DLGAP1: variants seen among roughly 807,000 people sequenced by gnomAD.
DLGAP1 encodes the protein DLG associated protein 1.
In DLGAP1, 11 loss-of-function variants were observed where a neutral mutation model predicts 90.8. The observed-to-expected ratio is 0.12, with a 90% confidence interval of 0.08 to 0.20. The LOEUF is 0.20. Among genes scored for constraint, DLGAP1 ranks in the 10% least tolerant of loss-of-function variants. The pLI, the probability that DLGAP1 is intolerant of heterozygous loss-of-function variation, is 1.00. For missense variants in DLGAP1, 1,050 were observed against 1,333.8 expected, an observed-to-expected ratio of 0.79 and a Z score of 3.31; for synonymous variants, 558 against 540.7, an observed-to-expected ratio of 1.03 and a Z score of -0.44.
chr18:3,909,070 T>G (rs1470705802), intron 3 of DLGAP1, among the ~76,000 whole-genome samples: 2 of 152,188 alleles, frequency 1.3e-5, no homozygotes, highest in Non-Finnish European at 2.9e-5. Flanking sequence ...GAAATGAACT[T>G]TTCTCTACAT....
At chr18:4,259,825 C>T (rs1035233647) in intron 1 of DLGAP1, among the ~76,000 whole-genome samples, 2 of 152,116 alleles carry the variant, frequency 1.3e-5, no homozygotes, top group East Asian at 3.8e-4. Flanking sequence ...AGTTGATTAA[C>T]GAAGTAGACA....
intron 1 of DLGAP1, among the ~76,000 whole-genome samples, chr18:4,188,980 G>A (rs9956141): frequency 0.44 from 66,609 of 151,896 alleles, 15,866 homozygotes; most frequent in East Asian, 0.7. Flanking sequence ...TTATTATTTT[G>A]TATTTAATCA....
rs185054061 is a variant in DLGAP1, at chr18:3,932,219, G to A, written c.-72-52079C>T. 1.5e-3 allele frequency among the ~76,000 whole-genome samples: 224 copies of A among 152,288 alleles called. 3 individuals are homozygous for A. In the Middle Eastern group the frequency reaches 0.041, roughly 28 times the overall value. ...TTTAAAGGGCCCCTGGGCAGATGAA[G>A]GTTGTCCTGGCAGCTTGAGGTTGGT... On this transcript the variant is annotated intron_variant, in intron 3 of 12. Transcript: ENST00000315677.
At chr18:3,666,405 C>G (rs112589749) in intron 7 of DLGAP1, among the ~76,000 whole-genome samples, 3 of 152,140 alleles carry the variant, frequency 2.0e-5, no homozygotes, top group African/African-American at 7.2e-5. Context: ...TGTTCTTAGT[C>G]AAAGCCAGAC....
At chr18:3,867,193 C>T (rs1309841490) in intron 4 of DLGAP1, among the ~76,000 whole-genome samples, 2 of 152,120 alleles carry the variant, frequency 1.3e-5, no homozygotes, top group African/African-American at 2.4e-5. Context: ...GTGTGGGTAA[C>T]ATCAAGATAA....
In DLGAP1 at chr18:4,454,406, T is replaced by TTCTCTCTATCTCTCTCTC. The variant is rs112338095; in HGVS notation, c.-267+599_-267+600insGAGAGAGAGATAGAGAGA. Among the ~76,000 whole-genome samples the TTCTCTCTATCTCTCTCTC allele has an allele frequency of 2.7e-5, 4 of 150,654 alleles. No individual in the cohort carries two copies. Among genetic ancestry groups the TTCTCTCTATCTCTCTCTC allele is most frequent in the African/African-American group, 9.7e-5 (4 of 41,144 alleles). ...CAGTGACCTCCTCCTTGGACCCCAT[T>TTCTCTCTATCTCTCTCTC]TCTCTCTCTCTCTCTCTCTCTGTGC... On this transcript the variant is annotated intron_variant, in intron 1 of 12. Transcript: ENST00000315677. This position sits in a 1 kb window ranked among gnomAD's most constrained non-coding sequence, Gnocchi z 4.7.
intron 3 of DLGAP1, among the ~76,000 whole-genome samples, chr18:3,909,695 T>C (rs897042566): frequency 6.6e-6 from 1 of 152,218 alleles, no homozygotes; most frequent in Non-Finnish European, 1.5e-5. Context: ...GCAGGGATCA[T>C]ATACATGCTC....
chr18:3,583,777 A>G (rs977760087), intron 7 of DLGAP1, among the ~76,000 whole-genome samples: 8 of 152,162 alleles, frequency 5.3e-5, no homozygotes, highest in Non-Finnish European at 8.8e-5. Flanking sequence ...GTGAAACCTC[A>G]TCTGTACTAA....
rs534121625 is a variant in DLGAP1 at position 3,932,492 on chromosome 18, G to A, written c.-72-52352C>T. 5.9e-5 allele frequency among the ~76,000 whole-genome samples: 9 copies of A among 152,236 alleles called. No homozygotes were observed. In the East Asian group the frequency reaches 7.7e-4, roughly 13 times the overall value. ...TGGAACATTGCAGAAATACCCTTGC[G>A]GGGGAGCCTAGGCCCTGCCCACCAG... On this transcript the variant is annotated intron_variant, in intron 3 of 12. Transcript: ENST00000315677.
At chr18:4,451,038 A>G (rs1237607822) in intron 1 of DLGAP1, among the ~76,000 whole-genome samples, 1 of 152,220 alleles carries the variant, frequency 6.6e-6, no homozygotes, top group African/African-American at 2.4e-5. Context: ...CTTGCTGCCC[A>G]GTAATCATTA....
chr18:4,074,027 T>TA (rs2075488833), intron 2 of DLGAP1, among the ~76,000 whole-genome samples: 1 of 152,148 alleles, frequency 6.6e-6, no homozygotes, highest in Non-Finnish European at 1.5e-5. Context: ...ACCTTATTCA[T>TA]AGGGATAGAT....
intron 9 of DLGAP1, among the ~76,000 whole-genome samples, chr18:3,559,105 A>G (rs1206530585): frequency 6.6e-6 from 1 of 152,240 alleles, no homozygotes; most frequent in African/African-American, 2.4e-5. Context: ...TAGAAAACGT[A>G]GCATTCCTAC....
intron 2 of DLGAP1, among the ~76,000 whole-genome samples, chr18:4,055,971 C>T (rs1840780595): frequency 6.6e-6 from 1 of 152,152 alleles, no homozygotes; most frequent in African/African-American, 2.4e-5. Flanking sequence ...AAACGACTCT[C>T]ACAGAGGAGG....
chr18:3,674,528 G>C (rs575737174), intron 7 of DLGAP1, among the ~76,000 whole-genome samples: 5 of 152,054 alleles, frequency 3.3e-5, no homozygotes, highest in Admixed American at 3.3e-4. Flanking sequence ...GCTGAGGTGG[G>C]AGGATCACTT....
intron 1 of DLGAP1, among the ~76,000 whole-genome samples, chr18:4,210,860 C>A (rs562645834): frequency 6.6e-6 from 1 of 152,140 alleles, no homozygotes; most frequent in Non-Finnish European, 1.5e-5. Context: ...TTAACCCTTT[C>A]GTTTACATGT....
At chr18:4,105,009 G>A (rs933222000) in intron 2 of DLGAP1, among the ~76,000 whole-genome samples, 9 of 151,754 alleles carry the variant, frequency 5.9e-5, no homozygotes, top group African/African-American at 1.9e-4. Flanking sequence ...ATTGAAACAC[G>A]CACACACACA....
At chr18:3,531,019 TC>T (rs1436444449) in intron 10 of DLGAP1, among the ~76,000 whole-genome samples, 1 of 152,092 alleles carries the variant, frequency 6.6e-6, no homozygotes, top group African/African-American at 2.4e-5. Flanking sequence ...ACTGTTATTT[TC>T]CAGACTCCAT....
chr18:3,790,263 CT>C (rs905751291), intron 5 of DLGAP1, among the ~76,000 whole-genome samples: 2 of 100,776 alleles, frequency 2.0e-5, no homozygotes, highest in African/African-American at 6.1e-5. Context: ...GCTTCTTTTA[CT>C]TTTTTTTTCT....
intron 10 of DLGAP1, among the ~76,000 whole-genome samples, chr18:3,520,822 C>T (rs754544053): frequency 3.1e-4 from 47 of 152,356 alleles, no homozygotes; most frequent in Middle Eastern, 6.8e-3. Flanking sequence ...CCTTCGCTCT[C>T]GTATTTCTTC....
Sources: gnomAD v4.1 joint callset for allele counts (sites outside exome capture counted in the v4.1 genomes callset) on GRCh38, gnomAD v4.1.1 for gene constraint, Gnocchi (gnomAD v3.1) non-coding constraint, MANE v1.5 for transcripts, NCBI Gene and HGNC (gene_info 2026-07-23, HGNC 2026-07-21) for gene names.